WDFY3: variants seen among roughly 807,000 people sequenced by gnomAD.
WDFY3 encodes WD repeat and FYVE domain containing 3.
A neutral mutation model predicts 409.6 loss-of-function variants in WDFY3; 66 were observed. The ratio of observed to expected loss-of-function variants is 0.16; its 90% CI spans 0.13 to 0.20. WDFY3 has a LOEUF of 0.20. Among genes scored for constraint, WDFY3 ranks in the 10% least tolerant of loss-of-function variants. WDFY3 has a pLI of 1.00. For synonymous variants in WDFY3, 1,521 were observed against 1,537.1 expected, an observed-to-expected ratio of 0.99 and a Z score of 0.25; for missense variants, 3,031 against 4,298.1, an observed-to-expected ratio of 0.71 and a Z score of 8.24.
chr4:84,703,587 GCCAGGTACA>G, intron 55 of WDFY3, among the ~76,000 whole-genome samples: 1 of 152,260 alleles, frequency 6.6e-6, no homozygotes, highest in African/African-American at 2.4e-5. Flanking sequence ...CCTCGAACAT[GCCAGGTACA>G]AGCCTGCCTT....
At chr4:84,845,113 TA>T (rs373479875) in intron 5 of WDFY3, among the ~76,000 whole-genome samples, 4 of 151,866 alleles carry the variant, frequency 2.6e-5, no homozygotes, top group Non-Finnish European at 5.9e-5. Flanking sequence ...AGTAATCTGA[TA>T]AAAAAAAGGC....
intron 55 of WDFY3, among the ~76,000 whole-genome samples, chr4:84,703,568 C>CG: frequency 6.6e-6 from 1 of 152,326 alleles, no homozygotes. Context: ...CACTGGCCCC[C>CG]GGGCTGCTCC....
At chr4:84,873,976 T>C (rs1015364169) in intron 3 of WDFY3, among the ~76,000 whole-genome samples, 5 of 151,794 alleles carry the variant, frequency 3.3e-5, no homozygotes, top group African/African-American at 9.7e-5. Context: ...AGATGGAGTT[T>C]CGCCATGTTG....
chr4:84,735,346 C>T (rs1737260742), intron 42 of WDFY3, among the ~76,000 whole-genome samples: 1 of 152,212 alleles, frequency 6.6e-6, no homozygotes, highest in Non-Finnish European at 1.5e-5. Flanking sequence ...TTGCTGCCCA[C>T]GTGTCTGGGC....
At chr4:84,753,111 C>A (rs187431185) in intron 35 of WDFY3, among the ~76,000 whole-genome samples, 8 of 152,172 alleles carry the variant, frequency 5.3e-5, no homozygotes, top group Admixed American at 3.9e-4. Flanking sequence ...AAGCAGGAAA[C>A]CAGGCAGCAT....
At chr4:84,917,825 A>T (rs1294359367) in intron 2 of WDFY3, among the ~76,000 whole-genome samples, 1 of 152,130 alleles carries the variant, frequency 6.6e-6, no homozygotes, top group Non-Finnish European at 1.5e-5. Flanking sequence ...CAGATAAAGA[A>T]ATAATATTCC....
intron 2 of WDFY3, among the ~76,000 whole-genome samples, chr4:84,905,464 C>A (rs967559886): frequency 2.6e-5 from 4 of 152,186 alleles, no homozygotes; most frequent in African/African-American, 9.7e-5. Flanking sequence ...TTTCCTCCTC[C>A]CCCACACTCT....
chr4:84,794,153 C>T (rs1416462518), intron 21 of WDFY3, among the ~76,000 whole-genome samples: 1 of 152,128 alleles, frequency 6.6e-6, no homozygotes, highest in Non-Finnish European at 1.5e-5. Flanking sequence ...GTGGCTAGCA[C>T]AGTGTGGCAC....
At chr4:84,779,066 C>T (rs1746056729) in intron 26 of WDFY3, among the ~76,000 whole-genome samples, 1 of 151,402 alleles carries the variant, frequency 6.6e-6, no homozygotes, top group Non-Finnish European at 1.5e-5. Flanking sequence ...TTTTTTTTTG[C>T]AACACGGTCT....
At chr4:84,710,485 A>G (rs1340986393) in intron 51 of WDFY3, among the ~76,000 whole-genome samples, 1 of 152,220 alleles carries the variant, frequency 6.6e-6, no homozygotes, top group African/African-American at 2.4e-5. Flanking sequence ...AAGTATTTAT[A>G]TATTTTCTTT....
chr4:84,790,821 A>C (rs1199435371), intron 21 of WDFY3, among the ~76,000 whole-genome samples: 2 of 152,234 alleles, frequency 1.3e-5, no homozygotes. Flanking sequence ...TTCTCCAAAG[A>C]AGGCACATAA....
chr4:84,833,173 G>C (rs1055942941), intron 7 of WDFY3, among the ~76,000 whole-genome samples: 1 of 152,042 alleles, frequency 6.6e-6, no homozygotes. Context: ...CCTGCCACTT[G>C]GGAATTCAGC....
At chr4:84,722,962 C>T (rs1205628538) in intron 46 of WDFY3, among the ~76,000 whole-genome samples, 2 of 152,212 alleles carry the variant, frequency 1.3e-5, no homozygotes, top group Non-Finnish European at 2.9e-5. Flanking sequence ...TTATTTTTAG[C>T]TTAATGAATC....
At chr4:84,679,332 T>C in intron 64 of WDFY3, 90 bp from the exon 65 acceptor site, 3 of 1,281,116 alleles carry the variant, frequency 2.3e-6, no homozygotes, top group Non-Finnish European at 3.1e-6. Flanking sequence ...CTCCCAGTTA[T>C]AAGCCTCTAT....
intron 27 of WDFY3, 27 bp from the exon 28 acceptor site, chr4:84,775,165 T>C (rs771131996): frequency 1.1e-5 from 18 of 1,599,500 alleles, no homozygotes; most frequent in Non-Finnish European, 1.5e-5. Flanking sequence ...CAGTAGTATA[T>C]TTAAGGTTAA....
At chr4:84,814,432 C>G (rs762672383) in intron 13 of WDFY3, among the ~76,000 whole-genome samples, 4 of 152,114 alleles carry the variant, frequency 2.6e-5, no homozygotes, top group African/African-American at 9.7e-5. Context: ...TTTTAGTTAC[C>G]TGTGCTCAAA....
At position 84,678,206 on chromosome 4, in the gene WDFY3, A is replaced by G. The variant is rs200920148; in HGVS notation, c.10221T>C (p.Asn3407=). The part of the protein sequence containing the change: ...TMHTAFDRKD[N]AHPAEVTALG... ...AGGCAGTGACCTCAGCTGGGTGTGC[A>G]TTGTCCTTTCGATCAAAGGCTGTGT... Residue 3407 remains asparagine (N), a synonymous_variant, in exon 66 of 68, where the codon AAT becomes AAC. Coordinates refer to ENST00000295888, the MANE Select transcript of WDFY3 (RefSeq NM_014991.6). The G allele has an allele frequency of 1.6e-4, 266 of 1,613,932 alleles. No individual in the cohort carries two copies. The highest frequency in any genetic ancestry group is 2.1e-4 in the Non-Finnish European group (242 of 1,180,010).
intron 1 of WDFY3, among the ~76,000 whole-genome samples, chr4:84,963,288 G>A (rs755141718): frequency 2.0e-5 from 3 of 151,954 alleles, no homozygotes; most frequent in Non-Finnish European, 4.4e-5. Context: ...GCCAGGCGTG[G>A]TGGCGAGGGT....
At chr4:84,678,890 T>C in intron 65 of WDFY3, 29 bp downstream of exon 65, 1 of 1,583,702 alleles carries the variant, frequency 6.3e-7, no homozygotes, top group Non-Finnish European at 8.6e-7. Flanking sequence ...ATATAAGGAG[T>C]GAGAAATAGA....
Sources: gnomAD v4.1 joint callset for allele counts (sites outside exome capture counted in the v4.1 genomes callset) on GRCh38, gnomAD v4.1.1 for gene constraint, MANE v1.5 for transcripts, NCBI Gene and HGNC (gene_info 2026-07-23, HGNC 2026-07-21) for gene names.